OPCML: variants seen among roughly 807,000 people sequenced by gnomAD.
OPCML encodes opioid binding protein/cell adhesion molecule like, also known as opioid-binding protein/cell adhesion molecule.
In OPCML, 13 loss-of-function variants were observed where a neutral mutation model predicts 37.8. That is an observed-to-expected ratio of 0.34 (90% CI 0.22 to 0.55). The LOEUF is 0.55. Among genes scored for constraint, OPCML ranks in the 20% least tolerant of loss-of-function variants. The probability of loss-of-function intolerance (pLI) is 0.91; values close to 1 mark genes in which losing one functional copy is unlikely to be tolerated. For missense variants in OPCML, 341 were observed against 435.6 expected, an observed-to-expected ratio of 0.78 and a Z score of 1.93; for synonymous variants, 176 against 168.8, an observed-to-expected ratio of 1.04 and a Z score of -0.33.
chr11:133,277,349 C>G (rs556387095), intron 1 of OPCML, among the ~76,000 whole-genome samples: 1 of 151,934 alleles, frequency 6.6e-6, no homozygotes, highest in African/African-American at 2.4e-5. Context: ...CATTGAGAGT[C>G]AAACATTTTA....
At chr11:132,641,937 G>T (rs980859675) in intron 3 of OPCML, among the ~76,000 whole-genome samples, 1 of 152,208 alleles carries the variant, frequency 6.6e-6, no homozygotes, top group Non-Finnish European at 1.5e-5. Context: ...TTTGAAAGGA[G>T]GTGATGGAGA....
intron 2 of OPCML, among the ~76,000 whole-genome samples, chr11:132,811,371 G>T (rs1939330344): frequency 6.6e-6 from 1 of 152,120 alleles, no homozygotes; most frequent in African/African-American, 2.4e-5. Context: ...CACAGGTGCA[G>T]AAGGGAGTTA....
intron 2 of OPCML, among the ~76,000 whole-genome samples, chr11:132,779,178 G>T (rs1203924430): frequency 6.6e-6 from 1 of 151,974 alleles, no homozygotes; most frequent in Non-Finnish European, 1.5e-5. Flanking sequence ...ATGCTGGCCA[G>T]GCTGGCCTCG....
At chr11:133,286,418 C>T (rs56814602) in intron 1 of OPCML, among the ~76,000 whole-genome samples, 37,910 of 143,120 alleles carry the variant, frequency 0.26, 5,954 homozygotes, top group East Asian at 0.75. Flanking sequence ...TGCAGTGAGC[C>T]GAGATCGCGC....
chr11:133,375,240 G>A (rs768193462), intron 1 of OPCML, among the ~76,000 whole-genome samples: 3 of 152,170 alleles, frequency 2.0e-5, no homozygotes, highest in South Asian at 2.1e-4. Flanking sequence ...CACGCATGTC[G>A]CGTATGTAAG....
chr11:132,528,942 T>C (rs2096316033), intron 4 of OPCML, 119 bp downstream of exon 4: 4 of 621,664 alleles, frequency 6.4e-6, no homozygotes, highest in Non-Finnish European at 1.1e-5. Flanking sequence ...GCATATTGCC[T>C]GTTTGATTTT....
At chr11:132,929,832 T>G (rs1945138125) in intron 2 of OPCML, among the ~76,000 whole-genome samples, 1 of 152,066 alleles carries the variant, frequency 6.6e-6, no homozygotes, top group Non-Finnish European at 1.5e-5. Context: ...ATACAGAAAA[T>G]GCATTTGACA....
chr11:133,214,512 G>T (rs1182216828), intron 1 of OPCML, among the ~76,000 whole-genome samples: 1 of 152,030 alleles, frequency 6.6e-6, no homozygotes, highest in African/African-American at 2.4e-5. Context: ...GCGAACTGTT[G>T]TTTGTCTCAA....
intron 1 of OPCML, among the ~76,000 whole-genome samples, chr11:133,185,943 A>G (rs1370898398): frequency 6.6e-6 from 1 of 152,176 alleles, no homozygotes; most frequent in Non-Finnish European, 1.5e-5. Flanking sequence ...ATGTGAGTAC[A>G]ATTTTCCAAG....
In OPCML at chr11:133,081,276, T is replaced by C. The variant is rs575917205; in HGVS notation, c.62-138266A>G. Among the ~76,000 whole-genome samples the C allele has an allele frequency of 2.0e-5, 3 of 152,210 alleles. No homozygotes were observed. The South Asian group carries it at 6.2e-4, about 32-fold the overall frequency. On this transcript the variant is annotated intron_variant, in intron 1 of 7. Coordinates refer to ENST00000524381, the MANE Select transcript of OPCML (RefSeq NM_001012393.5). Reference sequence around the variant, plus strand: ...AGTTAATTCTCCGTTTCCTTTGGGATGTCAGCCCCGTTGGTACCACCTAGC... The same window carrying C: ...AGTTAATTCTCCGTTTCCTTTGGGACGTCAGCCCCGTTGGTACCACCTAGC...
chr11:133,282,231 G>A (rs1317947302), intron 1 of OPCML, among the ~76,000 whole-genome samples: 2 of 152,144 alleles, frequency 1.3e-5, no homozygotes, highest in East Asian at 1.9e-4. Context: ...AGGCTTAGGA[G>A]AAAATAATGG....
intron 1 of OPCML, among the ~76,000 whole-genome samples, chr11:133,038,127 G>A (rs143242046): frequency 4.6e-4 from 70 of 152,350 alleles, no homozygotes; most frequent in African/African-American, 1.7e-3. Flanking sequence ...TGCCTGCAAG[G>A]CTGGATGCCT....
At chr11:133,149,983 C>A (rs1949954690) in intron 1 of OPCML, among the ~76,000 whole-genome samples, 2 of 152,208 alleles carry the variant, frequency 1.3e-5, no homozygotes, top group Non-Finnish European at 2.9e-5. Context: ...TTGTGTTCTC[C>A]CAGAACTCCG....
chr11:132,700,825 C>T (rs1490648243), intron 2 of OPCML, among the ~76,000 whole-genome samples: 1 of 152,134 alleles, frequency 6.6e-6, no homozygotes, highest in Non-Finnish European at 1.5e-5. Context: ...TGTTAAAGTG[C>T]ATATTTCCTT....
intron 1 of OPCML, among the ~76,000 whole-genome samples, chr11:133,036,355 A>C (rs1020858069): frequency 1.3e-5 from 2 of 152,248 alleles, no homozygotes; most frequent in African/African-American, 4.8e-5. Context: ...TAAGATTGCA[A>C]AGATCAATAA....
chr11:132,529,353 T>C (rs977480182), intron 3 of OPCML, 167 bp from the exon 4 acceptor site: 3 of 344,632 alleles, frequency 8.7e-6, no homozygotes, highest in African/African-American at 6.7e-5. Context: ...TACATTTACC[T>C]TGTATTTATG....
chr11:133,436,986 C>T (rs1946247289), intron 1 of OPCML, among the ~76,000 whole-genome samples: 1 of 152,188 alleles, frequency 6.6e-6, no homozygotes, highest in Admixed American at 6.5e-5. Flanking sequence ...CAGGGTAGCA[C>T]ATCTCACACA....
chr11:133,463,888 C>T (rs538540924), intron 1 of OPCML, among the ~76,000 whole-genome samples: 4 of 152,250 alleles, frequency 2.6e-5, no homozygotes, highest in South Asian at 4.2e-4. Flanking sequence ...TTCAACAAAG[C>T]GGGGTGATGG....
intron 2 of OPCML, among the ~76,000 whole-genome samples, chr11:132,803,967 T>A (rs1405747312): frequency 6.6e-6 from 1 of 152,214 alleles, no homozygotes; most frequent in South Asian, 2.1e-4. Flanking sequence ...TTATTCCTGA[T>A]AAGAATCCTT....
Sources: allele counts gnomAD v4.1 joint callset (sites outside exome capture counted in the v4.1 genomes callset), GRCh38; gene constraint gnomAD v4.1.1; transcripts MANE v1.5; gene names NCBI Gene and HGNC (gene_info 2026-07-23, HGNC 2026-07-21).